The following GRID2 variants were observed in gnomAD, a reference collection of about 807,000 sequenced individuals.
GRID2 encodes the protein glutamate ionotropic receptor delta type subunit 2.
GRID2 carries 33 observed loss-of-function variants against 114.8 expected under a neutral mutation model. That is an observed-to-expected ratio of 0.29 (90% CI 0.22 to 0.38). The LOEUF (loss-of-function observed/expected upper bound fraction) is 0.38, where lower values mean the gene tolerates loss of function less well. Among genes scored for constraint, GRID2 ranks in the 10% least tolerant of loss-of-function variants. The pLI, the probability that GRID2 is intolerant of heterozygous loss-of-function variation, is 1.00. For synonymous variants in GRID2, 505 were observed against 449.9 expected, an observed-to-expected ratio of 1.12 and a Z score of -1.55; for missense variants, 1,184 against 1,257.7, an observed-to-expected ratio of 0.94 and a Z score of 0.89.
intron 9 of GRID2, among the ~76,000 whole-genome samples, chr4:93,407,464 T>G (rs1271693748): frequency 6.6e-6 from 1 of 152,138 alleles, no homozygotes; most frequent in African/African-American, 2.4e-5. Context: ...TCGGTCGAAA[T>G]ACAGAGGTTT....
chr4:92,490,908 C>T (rs1020878423), intron 1 of GRID2, among the ~76,000 whole-genome samples: 3 of 151,820 alleles, frequency 2.0e-5, no homozygotes, highest in African/African-American at 7.3e-5. Flanking sequence ...ATTGAGAAAT[C>T]CATACAATTG....
chr4:93,310,509 C>T lies in GRID2; in HGVS notation c.1245+72019C>T, dbSNP rs551388624. Among the ~76,000 whole-genome samples the T allele has an allele frequency of 1.8e-4, 27 of 151,944 alleles. No homozygotes were observed. In the South Asian group the frequency reaches 2.5e-3, roughly 14 times the overall value. Reference sequence around the variant, plus strand: ...TTGTGCCACTGCACTCCAGCCTGGGCGCAGAACGAGACTCCATCTCAAAAA... The same window carrying T: ...TTGTGCCACTGCACTCCAGCCTGGGTGCAGAACGAGACTCCATCTCAAAAA... On this transcript the variant is annotated intron_variant, in intron 8 of 15. Coordinates refer to ENST00000282020, the MANE Select transcript of GRID2 (RefSeq NM_001510.4).
chr4:93,715,823 T>C (rs1461484494), intron 14 of GRID2, among the ~76,000 whole-genome samples: 5 of 152,208 alleles, frequency 3.3e-5, no homozygotes, highest in Admixed American at 3.3e-4. Flanking sequence ...CTGGAGAAAC[T>C]TTTGAGCTGA....
At chr4:92,571,623 A>G (rs1410232517) in intron 1 of GRID2, among the ~76,000 whole-genome samples, 4 of 152,160 alleles carry the variant, frequency 2.6e-5, no homozygotes, top group Non-Finnish European at 5.9e-5. Context: ...AATTGACCAC[A>G]TAGTTGGAAG....
At chr4:93,686,899 G>A (rs1209812137) in intron 14 of GRID2, among the ~76,000 whole-genome samples, 1 of 151,994 alleles carries the variant, frequency 6.6e-6, no homozygotes, top group African/African-American at 2.4e-5. Context: ...AAGGATACTG[G>A]TTTTACTCTG....
intron 4 of GRID2, among the ~76,000 whole-genome samples, chr4:93,184,532 TCA>T (rs1177979755): frequency 7.5e-6 from 1 of 133,368 alleles, no homozygotes; most frequent in Non-Finnish European, 1.6e-5. Context: ...AAAAAAAAAC[TCA>T]CAGGTACTCT....
chr4:92,397,794 G>A (rs1730576313), intron 1 of GRID2, among the ~76,000 whole-genome samples: 2 of 152,032 alleles, frequency 1.3e-5, no homozygotes, highest in South Asian at 4.1e-4. Flanking sequence ...TTAATGAAGA[G>A]AACATATCAG....
chr4:93,100,734 A>G (rs998198525), intron 3 of GRID2, among the ~76,000 whole-genome samples: 2 of 152,156 alleles, frequency 1.3e-5, no homozygotes, highest in Admixed American at 1.3e-4. Context: ...TTACATGATT[A>G]AAAAGATTAA....
chr4:93,697,442 G>A (rs1046843748), intron 14 of GRID2, among the ~76,000 whole-genome samples: 3 of 151,926 alleles, frequency 2.0e-5, no homozygotes, highest in Non-Finnish European at 4.4e-5. Context: ...AGCAGATGAC[G>A]GTCACTTTCA....
At chr4:93,574,488 C>A (rs796078913) in intron 13 of GRID2, among the ~76,000 whole-genome samples, 1 of 152,264 alleles carries the variant, frequency 6.6e-6, no homozygotes, top group African/African-American at 2.4e-5. Flanking sequence ...CATGTGGCTG[C>A]AGAAGGCTCA....
intron 8 of GRID2, among the ~76,000 whole-genome samples, chr4:93,282,724 A>G (rs1373291897): frequency 6.6e-6 from 1 of 152,036 alleles, no homozygotes; most frequent in East Asian, 1.9e-4. Flanking sequence ...GTTATTTATA[A>G]AGGAAAACCT....
At chr4:92,786,801 A>G (rs1350448737) in intron 2 of GRID2, among the ~76,000 whole-genome samples, 4 of 151,926 alleles carry the variant, frequency 2.6e-5, no homozygotes, top group African/African-American at 9.7e-5. Flanking sequence ...CAGTTGAACA[A>G]TCCTGGTGAG....
intron 5 of GRID2, among the ~76,000 whole-genome samples, chr4:93,209,538 A>T (rs1213687642): frequency 2.0e-5 from 3 of 152,074 alleles, no homozygotes. Flanking sequence ...TCCTATTGTG[A>T]ATAGTGATGC....
intron 13 of GRID2, among the ~76,000 whole-genome samples, chr4:93,550,178 C>G (rs1237668594): frequency 6.6e-6 from 1 of 152,054 alleles, no homozygotes; most frequent in Admixed American, 6.6e-5. Context: ...AACTCCTGGG[C>G]TTAAGCGATC....
chr4:92,714,438 G>T (rs1442684192), intron 2 of GRID2, among the ~76,000 whole-genome samples: 1 of 152,162 alleles, frequency 6.6e-6, no homozygotes, highest in East Asian at 1.9e-4. Flanking sequence ...GGGGTCTGGA[G>T]AATGGTAGCC....
intron 13 of GRID2, among the ~76,000 whole-genome samples, chr4:93,612,662 G>T (rs1741079720): frequency 9.8e-6 from 1 of 102,092 alleles, no homozygotes. Flanking sequence ...TGGCTTGTAG[G>T]GTTTCTGCCA....
At chr4:92,395,420 G>A (rs889878826) in intron 1 of GRID2, among the ~76,000 whole-genome samples, 5 of 151,570 alleles carry the variant, frequency 3.3e-5, no homozygotes, top group African/African-American at 4.8e-5. Flanking sequence ...CATATTGACT[G>A]TTGATCTTGC....
At chr4:93,652,154 TG>T (rs1296536432) in intron 14 of GRID2, among the ~76,000 whole-genome samples, 1 of 152,138 alleles carries the variant, frequency 6.6e-6, no homozygotes, top group Non-Finnish European at 1.5e-5. Flanking sequence ...AAAAAGTCAC[TG>T]GGGCATGCCC....
intron 2 of GRID2, among the ~76,000 whole-genome samples, chr4:92,617,492 C>T (rs1226888480): frequency 6.6e-6 from 1 of 151,512 alleles, no homozygotes; most frequent in Non-Finnish European, 1.5e-5. Context: ...CTGTTCTTGG[C>T]TTATTTCACT....
Sources: allele counts gnomAD v4.1 joint callset (sites outside exome capture counted in the v4.1 genomes callset), GRCh38; gene constraint gnomAD v4.1.1; transcripts MANE v1.5; gene names NCBI Gene and HGNC (gene_info 2026-07-23, HGNC 2026-07-21).